The following SPIDR variants were observed in gnomAD, a reference collection of about 807,000 sequenced individuals.
SPIDR encodes scaffold protein involved in DNA repair, also known as DNA repair-scaffolding protein.
Under a neutral mutation model 104.6 loss-of-function variants are expected in SPIDR, and 93 were observed. That is an observed-to-expected ratio of 0.89 (90% confidence interval 0.75 to 1.06). The LOEUF (loss-of-function observed/expected upper bound fraction) is 1.06. SPIDR is among the 50% of genes least tolerant of loss of function. SPIDR has a pLI of 0.00. For missense variants in SPIDR, 1,154 were observed against 1,111.2 expected, an observed-to-expected ratio of 1.04 and a Z score of -0.55; for synonymous variants, 431 against 416.9, an observed-to-expected ratio of 1.03 and a Z score of -0.41.
At chr8:47,400,677 CTT>C (rs35140121) in intron 6 of SPIDR, among the ~76,000 whole-genome samples, 316 of 139,472 alleles carry the variant, frequency 2.3e-3, no homozygotes, top group Admixed American at 3.2e-3. Context: ...TTCTTTCTTT[CTT>C]TTTTTTTTTT....
chr8:47,328,000 G>GTT (rs144077967), intron 5 of SPIDR, among the ~76,000 whole-genome samples: 2 of 139,136 alleles, frequency 1.4e-5, no homozygotes, highest in African/African-American at 5.3e-5. Context: ...CCCTGGCCGT[G>GTT]TTTTTTTTTT....
chr8:47,557,788 G>A (rs1050805853), intron 8 of SPIDR, among the ~76,000 whole-genome samples: 4 of 152,114 alleles, frequency 2.6e-5, no homozygotes, highest in Admixed American at 6.5e-5. Context: ...TTTGAGATAC[G>A]CACAAGACTT....
At chr8:47,603,668 GAC>G (rs1296960757) in intron 10 of SPIDR, among the ~76,000 whole-genome samples, 1 of 151,898 alleles carries the variant, frequency 6.6e-6, no homozygotes, top group Non-Finnish European at 1.5e-5. Flanking sequence ...AAAGTACTAG[GAC>G]TACAGGCGTG....
chr8:47,343,713 C>T (rs28447155), intron 5 of SPIDR, among the ~76,000 whole-genome samples: 59 of 152,216 alleles, frequency 3.9e-4, no homozygotes, highest in Admixed American at 1.1e-3. Flanking sequence ...CATCCTGTTT[C>T]GGGCAGGGAT....
chr8:47,361,881 G>A (rs1479426144), intron 5 of SPIDR, among the ~76,000 whole-genome samples: 1 of 152,164 alleles, frequency 6.6e-6, no homozygotes, highest in Non-Finnish European at 1.5e-5. Flanking sequence ...TGAAAGTTAG[G>A]GATGCAGGGA....
chr8:47,474,067 G>A (rs1222588899), intron 8 of SPIDR, among the ~76,000 whole-genome samples: 8 of 152,128 alleles, frequency 5.3e-5, no homozygotes, highest in Non-Finnish European at 1.0e-4. Flanking sequence ...TTGTTCTCAC[G>A]TAGGCGAGTT....
At chr8:47,505,577 C>T (rs1408582255) in intron 8 of SPIDR, among the ~76,000 whole-genome samples, 10 of 152,220 alleles carry the variant, frequency 6.6e-5, no homozygotes, top group Admixed American at 1.3e-4. Flanking sequence ...TGACCCCTTG[C>T]GCTTCCCGGG....
chr8:47,700,348 A>G, intron 11 of SPIDR, 55 bp from the exon 12 acceptor site: 3 of 1,573,210 alleles, frequency 1.9e-6, no homozygotes, highest in Non-Finnish European at 1.8e-6. Flanking sequence ...CTCACTGGCC[A>G]AGTACTCAGT....
chr8:47,542,798 C>G (rs1237107491), intron 8 of SPIDR, among the ~76,000 whole-genome samples: 6 of 152,138 alleles, frequency 3.9e-5, no homozygotes, highest in Non-Finnish European at 8.8e-5. Flanking sequence ...AGTTTCAACA[C>G]CAAAGGATCC....
rs1188903449 is a variant in SPIDR at position 47,701,737 on chromosome 8, C to T, written c.1790C>T (p.Pro597Leu). 6.2e-6 allele frequency: 10 copies of T among 1,613,948 alleles called. No individual in the cohort carries two copies. Among genetic ancestry groups the T allele is most frequent in the African/African-American group, 1.3e-5 (1 of 74,880 alleles). The change falls in exon 13 of 20, where the codon CCT becomes CTT. Residue 597 changes from proline (P) to leucine (L), a missense_variant. Physicochemically the swap from Pro to Leu is moderately conservative, Grantham distance 98 (BLOSUM62 -3). Coordinates refer to ENST00000297423, the MANE Select transcript of SPIDR (RefSeq NM_001080394.4). The stretch of plus-strand genomic sequence containing the variant: ...TTTAAACAGATAAAAACTCATCTGC[C>T]TCCTCCAGCCTTGTGTTACATCCTC... ...QPCEEIKTHLPPPALCYILTA... is the reference protein window; with the variant it reads ...QPCEEIKTHLLPPALCYILTA...
intron 8 of SPIDR, among the ~76,000 whole-genome samples, chr8:47,523,627 G>A (rs1435114884): frequency 6.6e-6 from 1 of 152,166 alleles, no homozygotes; most frequent in African/African-American, 2.4e-5. Flanking sequence ...TGGTGATGGG[G>A]GTCAGGCTGG....
chr8:47,334,501 A>G (rs1258289451), intron 5 of SPIDR, among the ~76,000 whole-genome samples: 3 of 152,198 alleles, frequency 2.0e-5, no homozygotes, highest in Non-Finnish European at 4.4e-5. Flanking sequence ...ATCCTTTATC[A>G]TTGGGTAATG....
intron 4 of SPIDR, 75 bp from the exon 5 acceptor site, chr8:47,293,792 C>G: frequency 7.1e-7 from 1 of 1,417,226 alleles, no homozygotes; most frequent in Non-Finnish European, 9.6e-7. Flanking sequence ...GATATATTAA[C>G]TGCTAAGAAT....
At chr8:47,487,933 A>C (rs1268089047) in intron 8 of SPIDR, among the ~76,000 whole-genome samples, 2 of 152,248 alleles carry the variant, frequency 1.3e-5, no homozygotes, top group Admixed American at 1.3e-4. Context: ...CCCTAACATC[A>C]CAATTAAAAG....
intron 5 of SPIDR, among the ~76,000 whole-genome samples, chr8:47,316,803 AT>A (rs1554590032): frequency 6.6e-6 from 1 of 152,232 alleles, no homozygotes; most frequent in African/African-American, 2.4e-5. Context: ...GTTAAAACTT[AT>A]CAAATGGTGT....
intron 8 of SPIDR, among the ~76,000 whole-genome samples, chr8:47,579,442 T>G (rs894795637): frequency 1.3e-5 from 2 of 152,244 alleles, no homozygotes; most frequent in Non-Finnish European, 2.9e-5. Flanking sequence ...TGGTAGTCAC[T>G]AGCCACACTG....
intron 10 of SPIDR, among the ~76,000 whole-genome samples, chr8:47,614,276 T>A (rs964393213): frequency 4.6e-5 from 7 of 152,060 alleles, no homozygotes; most frequent in Non-Finnish European, 8.8e-5. Flanking sequence ...TGGAGTGCAG[T>A]GGTGGCATGA....
chr8:47,298,265 AGT>A (rs1338183245), intron 5 of SPIDR, among the ~76,000 whole-genome samples: 1 of 152,164 alleles, frequency 6.6e-6, no homozygotes, highest in Non-Finnish European at 1.5e-5. Context: ...TCTTTTGAGA[AGT>A]GTCTGTTCAT....
chr8:47,564,824 A>G (rs1404504368), intron 8 of SPIDR, among the ~76,000 whole-genome samples: 1 of 152,240 alleles, frequency 6.6e-6, no homozygotes, highest in African/African-American at 2.4e-5. Context: ...CATTTTTCAG[A>G]TAAACCTACT....
Sources: allele counts gnomAD v4.1 joint callset (sites outside exome capture counted in the v4.1 genomes callset), GRCh38; gene constraint gnomAD v4.1.1; transcripts MANE v1.5; gene names NCBI Gene and HGNC (gene_info 2026-07-23, HGNC 2026-07-21).